ARHGEF3: variants seen among roughly 807,000 people sequenced by gnomAD.
ARHGEF3 encodes Rho guanine nucleotide exchange factor 3, also known as 59.8 kDA protein.
A neutral mutation model predicts 63.2 loss-of-function variants in ARHGEF3; 28 were observed. That is an observed-to-expected ratio of 0.44 (90% CI 0.33 to 0.61). The LOEUF (loss-of-function observed/expected upper bound fraction) is 0.61, where lower values mean the gene tolerates loss of function less well. Ranked by LOEUF, ARHGEF3 falls within the 20% of genes least tolerant of loss-of-function variation. ARHGEF3 has a pLI of 0.03. For synonymous variants in ARHGEF3, 266 were observed against 254.2 expected, an observed-to-expected ratio of 1.05 and a Z score of -0.44; for missense variants, 533 against 659.3, an observed-to-expected ratio of 0.81 and a Z score of 2.10.
intron 2 of ARHGEF3, among the ~76,000 whole-genome samples, chr3:57,033,343 A>G (rs1703809804): frequency 1.3e-5 from 2 of 151,270 alleles, no homozygotes; most frequent in South Asian, 4.2e-4. Flanking sequence ...AAAGCTAACC[A>G]CCACCATCAG....
intron 4 of ARHGEF3, among the ~76,000 whole-genome samples, chr3:56,830,671 C>A (rs551949726): frequency 6.6e-6 from 1 of 152,156 alleles, no homozygotes; most frequent in East Asian, 1.9e-4. Context: ...TGGTGCTGTT[C>A]GCCTCTCAGC....
chr3:56,992,594 G>A (rs115096237), intron 2 of ARHGEF3, among the ~76,000 whole-genome samples: 2,599 of 152,042 alleles, frequency 0.017, 86 homozygotes, highest in African/African-American at 0.06. Flanking sequence ...ATCAGGGGAT[G>A]AGCCAGGTAA....
At chr3:56,928,313 A>C (rs993462135) in intron 3 of ARHGEF3, among the ~76,000 whole-genome samples, 9 of 151,950 alleles carry the variant, frequency 5.9e-5, no homozygotes, top group Non-Finnish European at 1.0e-4. Flanking sequence ...ACTAGAAGAC[A>C]TTGAGGCTCA....
chr3:56,736,362 T>C (rs1404450310), intron 8 of ARHGEF3, among the ~76,000 whole-genome samples: 1 of 152,154 alleles, frequency 6.6e-6, no homozygotes, highest in Non-Finnish European at 1.5e-5. Context: ...AGAGGAACCA[T>C]TTCAGTATCT....
At chr3:56,734,029 C>T (rs2033423173) in intron 8 of ARHGEF3, among the ~76,000 whole-genome samples, 1 of 144,298 alleles carries the variant, frequency 6.9e-6, no homozygotes, top group South Asian at 2.3e-4. Context: ...TATTTTCCTT[C>T]TAAGTTAATC....
intron 2 of ARHGEF3, among the ~76,000 whole-genome samples, chr3:56,758,976 G>A (rs2035261106): frequency 6.6e-6 from 1 of 151,964 alleles, no homozygotes; most frequent in South Asian, 2.1e-4. Flanking sequence ...TCAGTCCTTG[G>A]CTAACTTTAA....
rs1013577687 is a variant in ARHGEF3, at chr3:56,880,328, C to T, written c.192+1964G>A. 1.1e-4 allele frequency among the ~76,000 whole-genome samples: 16 copies of T among 152,118 alleles called. 1 individual carries two copies. The East Asian group carries it at 1.5e-3, about 15-fold the overall frequency. On this transcript the variant is annotated intron_variant, in intron 4 of 12. Coordinates refer to the ARHGEF3 transcript ENST00000338458. Reference sequence around the variant, plus strand: ...GGTTAAGAAAAAAGGAAATATCATCCGTAGCTGCACAAGGAGAAAAGAAGC... The same window carrying T: ...GGTTAAGAAAAAAGGAAATATCATCTGTAGCTGCACAAGGAGAAAAGAAGC...
At chr3:56,887,850 G>A (rs1288606030) in intron 3 of ARHGEF3, among the ~76,000 whole-genome samples, 1 of 152,200 alleles carries the variant, frequency 6.6e-6, no homozygotes, top group Non-Finnish European at 1.5e-5. Flanking sequence ...ACCCCTCAGT[G>A]CCCTGTGCTG....
intron 4 of ARHGEF3, among the ~76,000 whole-genome samples, chr3:56,817,781 A>C (rs972386073): frequency 6.6e-6 from 1 of 152,214 alleles, no homozygotes; most frequent in Non-Finnish European, 1.5e-5. Context: ...AGTCTGCCAG[A>C]ACGTTGATGG....
intron 3 of ARHGEF3, among the ~76,000 whole-genome samples, chr3:56,885,551 G>T (rs760093560): frequency 1.4e-4 from 22 of 151,948 alleles, no homozygotes; most frequent in Non-Finnish European, 1.8e-4. Flanking sequence ...ATTGATGCAG[G>T]AAAGTGAATA....
At chr3:56,962,812 T>C (rs776868031) in intron 2 of ARHGEF3, among the ~76,000 whole-genome samples, 1 of 152,072 alleles carries the variant, frequency 6.6e-6, no homozygotes, top group Non-Finnish European at 1.5e-5. Flanking sequence ...GATCTCAAAT[T>C]CAAGTGTATG....
At chr3:56,983,305 G>C (rs533046607) in intron 2 of ARHGEF3, among the ~76,000 whole-genome samples, 26 of 152,158 alleles carry the variant, frequency 1.7e-4, no homozygotes, top group Admixed American at 6.5e-4. Context: ...GGTCTGCTAG[G>C]GTTGAGTGGT....
chr3:57,065,759 C>A (rs57819893), intron 1 of ARHGEF3, among the ~76,000 whole-genome samples: 3 of 152,150 alleles, frequency 2.0e-5, no homozygotes, highest in Admixed American at 2.0e-4. Flanking sequence ...TGGTAGCCTG[C>A]GGAACAGGAG....
chr3:56,811,297 T>C (rs972554738), intron 4 of ARHGEF3, among the ~76,000 whole-genome samples: 2 of 152,050 alleles, frequency 1.3e-5, no homozygotes, highest in African/African-American at 4.8e-5. Flanking sequence ...TTTTAAAAAA[T>C]TAGCTGTAGA....
At chr3:56,746,443 G>A (rs1226410907) in intron 6 of ARHGEF3, among the ~76,000 whole-genome samples, 5 of 152,166 alleles carry the variant, frequency 3.3e-5, no homozygotes, top group Non-Finnish European at 4.4e-5. Flanking sequence ...TAAAAATAAA[G>A]TATGGCGGCC....
intron 2 of ARHGEF3, among the ~76,000 whole-genome samples, chr3:56,987,875 C>T (rs1701604516): frequency 1.3e-5 from 2 of 152,182 alleles, no homozygotes; most frequent in South Asian, 4.1e-4. Context: ...ACATTCAAAA[C>T]TAAAATAATT....
chr3:56,837,520 T>TA (rs1341113882), intron 4 of ARHGEF3, among the ~76,000 whole-genome samples: 1 of 152,108 alleles, frequency 6.6e-6, no homozygotes, highest in African/African-American at 2.4e-5. Flanking sequence ...GTCCAATAAT[T>TA]ACCAATGGGA....
At chr3:57,002,777 C>CTT (rs368902975) in intron 2 of ARHGEF3, among the ~76,000 whole-genome samples, 1,865 of 129,622 alleles carry the variant, frequency 0.014, 55 homozygotes, top group African/African-American at 0.05. Flanking sequence ...TATTTCTTTT[C>CTT]TTTTTTTTTT....
At position 56,774,030 on chromosome 3, in the gene ARHGEF3, G is replaced by A. The variant is rs576445382; in HGVS notation, c.97-214C>T. ...CAGGCAGGGGATGTCAACAGAGGCA[G>A]TATCTGGGAAGACAGAAAAGGGGCA... On this transcript the variant is annotated intron_variant, in intron 1 of 9. Transcript: ENST00000296315. 2.0e-5 allele frequency among the ~76,000 whole-genome samples: 3 copies of A among 152,278 alleles called. No homozygotes were observed. In the South Asian group the frequency reaches 6.2e-4, roughly 32 times the overall value.
Sources: allele counts gnomAD v4.1 joint callset (sites outside exome capture counted in the v4.1 genomes callset), GRCh38; gene constraint gnomAD v4.1.1; transcripts MANE v1.5; gene names NCBI Gene and HGNC (gene_info 2026-07-23, HGNC 2026-07-21).